TRMU: variants seen among roughly 807,000 people sequenced by gnomAD.
TRMU encodes the protein mitochondrial tRNA-specific 2-thiouridylase 1.
A neutral mutation model predicts 46.9 loss-of-function variants in TRMU; 49 were observed. The observed-to-expected ratio is 1.05, with a 90% CI of 0.83 to 1.33. TRMU has a LOEUF of 1.33. TRMU is among the 40% of genes most tolerant of loss of function. TRMU has a pLI of 0.00. For synonymous variants in TRMU, 241 were observed against 200.9 expected (o/e 1.20, Z -1.69); for missense variants, 572 against 532.4 (o/e 1.07, Z -0.73).
chr22:46,355,482 G>A lies in TRMU; in HGVS notation c.912G>A (p.Leu304=), dbSNP rs768471499. 1 of 1,613,250 alleles carries A rather than the reference G, an allele frequency of 6.2e-7. No individual in the cohort carries two copies. Among genetic ancestry groups the A allele is most frequent in the South Asian group, 1.1e-5 (1 of 91,090 alleles). ...ACCACCCAGCCCTGTACAGGGACCTGCTGAGGACCAGCCGCGTGCACTGGA... is the reference window on the plus strand; with the variant it reads ...ACCACCCAGCCCTGTACAGGGACCTACTGAGGACCAGCCGCGTGCACTGGA... ...RTDHPALYRD[L]LRTSRVHWIA... is the part of the protein sequence containing the mutation. Residue 304 remains leucine (L), a synonymous_variant, in exon 9 of 11, where the codon CTG becomes CTA. Coordinates refer to ENST00000645190, the MANE Select transcript of TRMU (RefSeq NM_018006.5).
rs997810397 is a variant in TRMU, at chr22:46,342,153, C to A, written c.249-1109C>A. Reference sequence around the variant, plus strand: ...TTCAGTCCCCCAGACGGACTCCCCCCACAACAGCAGTCGAAAGTATGGGCC... The same window carrying A: ...TTCAGTCCCCCAGACGGACTCCCCCAACAACAGCAGTCGAAAGTATGGGCC... On this transcript the variant is annotated intron_variant, in intron 2 of 10. Transcript: ENST00000645190. This position sits in a 1 kb window ranked among gnomAD's most constrained non-coding sequence, Gnocchi z 4.7. Among the ~76,000 whole-genome samples the A allele has an allele frequency of 4.6e-5, 7 of 152,208 alleles. No individual in the cohort carries two copies. The highest frequency in any genetic ancestry group is 8.8e-5 in the Non-Finnish European group (6 of 68,042).
chr22:46,343,493 C>T (rs1448414865), intron 3 of TRMU, 125 bp downstream of exon 3: 4 of 740,178 alleles, frequency 5.4e-6, no homozygotes, highest in Non-Finnish European at 9.2e-6. Flanking sequence ...TCAAGAGATT[C>T]TCCCACCCCA....
Position 46,355,525 on chromosome 22 carries a change from G to A in TRMU, c.955G>A (p.Ala319Thr), listed in dbSNP as rs369708014. 6.8e-6 allele frequency: 11 copies of A among 1,613,122 alleles called. No individual in the cohort carries two copies. Among genetic ancestry groups the A allele is most frequent in the South Asian group, 5.5e-5 (5 of 91,086 alleles). Residue 319 changes from alanine to threonine, a missense_variant, in exon 9 of 11, where the codon GCA (alanine) becomes ACA (threonine). By Grantham distance (58) the Ala-to-Thr change is moderately conservative (BLOSUM62 0). Transcript: ENST00000645190. ...GCACTGGATTGCGGAGGAGCCTCCC[G>A]CAGCACTGGTCCGGGACAAGATGAT... ...RVHWIAEEPP[A>T]ALVRDKMMEC...
Position 46,356,866 on chromosome 22 carries a change from G to A in TRMU, c.1126G>A (p.Glu376Lys), listed in dbSNP as rs138150773. 6.6e-5 allele frequency: 106 copies of A among 1,613,320 alleles called. No homozygotes were observed. The highest frequency in any genetic ancestry group is 1.6e-4 in the East Asian group (7 of 44,894). Residue 376 changes from glutamate (E) to lysine (K), a missense_variant, in exon 11 of 11, where the codon GAG (glutamate) becomes AAG (lysine). By Grantham distance (56) the Glu-to-Lys change is moderately conservative. Transcript: ENST00000645190. ...GTTTGCTGTGTTCTACAAGGGGGAC[G>A]AGTGCCTGGGCAGCGGGAAGATCCT... ...GQFAVFYKGD[E>K]CLGSGKILRL... is the part of the protein sequence containing the mutation.
At position 46,352,110 on chromosome 22, in the gene TRMU, T is replaced by A. The variant is rs1156852649; in HGVS notation, c.652-11T>A. 3 of 1,612,728 alleles carry A rather than the reference T, an allele frequency of 1.9e-6. No homozygotes were observed. Among genetic ancestry groups the A allele is most frequent in the Non-Finnish European group, 2.5e-6 (3 of 1,180,004 alleles). Reference sequence around the variant, plus strand: ...TCTGCTCCTCTCACGGCTGCCGTCTTCTCATTTCAGAGCATGGGCATGTGT... The same window carrying A: ...TCTGCTCCTCTCACGGCTGCCGTCTACTCATTTCAGAGCATGGGCATGTGT... On this transcript the variant is annotated splice_polypyrimidine_tract_variant and intron_variant, in intron 5 of 10. Coordinates refer to ENST00000645190, the MANE Select transcript of TRMU (RefSeq NM_018006.5).
intron 3 of TRMU, 91 bp from the exon 4 acceptor site, chr22:46,346,331 C>A: frequency 6.6e-7 from 1 of 1,515,516 alleles, no homozygotes; most frequent in Non-Finnish European, 8.9e-7. Context: ...GACTTGGGGT[C>A]TATACTCTTC....
Position 46,349,996 on chromosome 22 carries a change from CT to C in TRMU, c.479-293del, listed in dbSNP as rs2078366259. 1.6e-5 allele frequency among the ~76,000 whole-genome samples: 2 copies of C among 126,836 alleles called. No individual in the cohort carries two copies. The highest frequency in any genetic ancestry group is 6.0e-5 in the African/African-American group (2 of 33,118). 83.2% of individuals were successfully genotyped at this position (126,836 alleles called of 152,430 possible). ...ATTTTAGGTGTTTTTTTTTTTTTTT[CT>C]TATCACTTGAGAACATTTTTTCATG... is the stretch of plus-strand genomic sequence containing the variant. On this transcript the variant is annotated intron_variant, in intron 4 of 10. Transcript: ENST00000645190. This position sits in a 1 kb window ranked among gnomAD's most constrained non-coding sequence, Gnocchi z 4.6.
In TRMU at chr22:46,351,793, G is replaced by A. The variant is rs1329927513; in HGVS notation, c.652-328G>A. ...TTTCCTGCTACCTGCCCCTTCTCTG[G>A]TCCCTGTCTCTCCCCCACTCCTCGC... On this transcript the variant is annotated intron_variant, in intron 5 of 10. Transcript: ENST00000645190. The surrounding 1 kb of genome is among the most constrained non-coding windows in gnomAD (Gnocchi z 6.4). 9.1e-6 allele frequency: 4 copies of A among 438,018 alleles called. No individual in the cohort carries two copies. The highest frequency in any genetic ancestry group is 1.3e-5 in the Non-Finnish European group (3 of 234,914). 27.1% of individuals were successfully genotyped at this position (438,018 alleles called of 1,614,324 possible).
intron 7 of TRMU, 121 bp downstream of exon 7, chr22:46,352,451 T>C: frequency 7.8e-7 from 1 of 1,280,840 alleles, no homozygotes; most frequent in Non-Finnish European, 1.1e-6. Context: ...TGTAGAAGGC[T>C]CTGTGGGGCG....
At chr22:46,341,660 C>G (rs115186612) in intron 2 of TRMU, among the ~76,000 whole-genome samples, 1,805 of 152,128 alleles carry the variant, frequency 0.012, 39 homozygotes, top group African/African-American at 0.042. Context: ...TTTTTAAACT[C>G]CCAAAATAGG....
In TRMU at chr22:46,352,268, T is replaced by TG. The variant is rs2078453451; in HGVS notation, c.711dup (p.Gln238AlafsTer14). Reference sequence around the variant, plus strand: ...AATGACATGTTTGTTTTCCAGTATCTGCAGCCTCGACCTGGTCACTTTATT... The same window carrying TG: ...AATGACATGTTTGTTTTCCAGTATCTGGCAGCCTCGACCTGGTCACTTTATT... On this transcript the variant is annotated frameshift_variant, in exon 7 of 11. Transcript: ENST00000645190. LOFTEE classifies it high-confidence loss of function. The TG allele has an allele frequency of 6.2e-7, 1 of 1,614,210 alleles. No homozygotes were observed. The highest frequency in any genetic ancestry group is 1.6e-4 in the Middle Eastern group (1 of 6,062).
chr22:46,352,567 C>T (rs979321277), intron 7 of TRMU: 35 of 603,304 alleles, frequency 5.8e-5, no homozygotes, highest in Non-Finnish European at 9.5e-5. Flanking sequence ...AAAAGCGCGC[C>T]TCTGACTTGG....
rs148074912 is a variant in TRMU at position 46,351,555 on chromosome 22, G to A, written c.652-566G>A. The A allele has an allele frequency of 1.4e-3, 268 of 191,708 alleles. No individual in the cohort carries two copies. The highest frequency in any genetic ancestry group is 5.8e-3 in the African/African-American group (250 of 42,908). The allele number at this position is 191,708 out of a possible 1,614,324, so 11.9% of individuals were successfully genotyped here. A position where few individuals can be genotyped will look rare whatever the true frequency, so the allele number is the denominator to read the frequency against. ...CCGTCCTCCTCTCCTCTTGTTTTCC[G>A]TTTCCGGTGTCGCTCTGTGGTGGGA... On this transcript the variant is annotated intron_variant, in intron 5 of 10. Coordinates refer to ENST00000645190, the MANE Select transcript of TRMU (RefSeq NM_018006.5). This position sits in a 1 kb window ranked among gnomAD's most constrained non-coding sequence, Gnocchi z 6.4.
At position 46,350,537 on chromosome 22, in the gene TRMU, T is replaced by C; in HGVS notation, c.651+74T>C. On this transcript the variant is annotated intron_variant, in intron 5 of 10. Coordinates refer to ENST00000645190, the MANE Select transcript of TRMU (RefSeq NM_018006.5). This position sits in a 1 kb window ranked among gnomAD's most constrained non-coding sequence, Gnocchi z 4.6. ...CTGCATGGCACGGAGCAGCTGGACC[T>C]GTGGGTCCCGCACCACTTCCCCTTC... 1 of 1,549,318 alleles carries C rather than the reference T, an allele frequency of 6.5e-7. No individual in the cohort carries two copies. Among genetic ancestry groups the C allele is most frequent in the Non-Finnish European group, 8.9e-7 (1 of 1,124,828 alleles).
rs754804929 is a variant in TRMU at position 46,350,614 on chromosome 22, G to GCTGAGGCGCA, written c.651+153_651+162dup. 1.0e-4 allele frequency: 96 copies of GCTGAGGCGCA among 960,222 alleles called. No individual in the cohort carries two copies. The East Asian group carries it at 2.4e-3, about 24-fold the overall frequency. The allele number at this position is 960,222 out of a possible 1,614,324, so 59.5% of individuals were successfully genotyped here. A position where few individuals can be genotyped will look rare whatever the true frequency, so the allele number is the denominator to read the frequency against. ...CTTGGAGCAATAGATGGAGGAGTTT[G>GCTGAGGCGCA]CTGAGGCGCACGGTACAGGGCTCTG... On this transcript the variant is annotated intron_variant, in intron 5 of 10. Transcript: ENST00000645190. The surrounding 1 kb of genome is among the most constrained non-coding windows in gnomAD (Gnocchi z 4.6).
rs2078326471 is a variant in TRMU at position 46,348,781 on chromosome 22, C to T, written c.479-1510C>T. On this transcript the variant is annotated intron_variant, in intron 4 of 10. Transcript: ENST00000645190. This position sits in a 1 kb window ranked among gnomAD's most constrained non-coding sequence, Gnocchi z 4.8. ...AACTAGGAGAAAATGCAAATGGCTC[C>T]TAGTTTTCTGAGGCTTTTACACACA... is the stretch of plus-strand genomic sequence containing the variant. Among the ~76,000 whole-genome samples, 1 of 152,138 alleles carries T rather than the reference C, an allele frequency of 6.6e-6. No individual in the cohort carries two copies. Among genetic ancestry groups the T allele is most frequent in the Non-Finnish European group, 1.5e-5 (1 of 68,024 alleles).
At chr22:46,346,389 A>G (rs1006031355) in intron 3 of TRMU, 33 bp from the exon 4 acceptor site, 12 of 1,607,352 alleles carry the variant, frequency 7.5e-6, no homozygotes, top group Non-Finnish European at 8.5e-6. Context: ...TATGAGTCTA[A>G]AACCTGATCC....
chr22:46,350,456 A>C lies in TRMU; in HGVS notation c.644A>C (p.Lys215Thr), dbSNP rs1346466815. ...AENRLHHVLQKKESMGMCFIG... is the reference protein window; with the variant it reads ...AENRLHHVLQTKESMGMCFIG... Reference sequence around the variant, plus strand: ...AATAGACTTCATCATGTGCTTCAGAAGAAAGAGGTACGAGTGAGCAGTTGC... The same window carrying C: ...AATAGACTTCATCATGTGCTTCAGACGAAAGAGGTACGAGTGAGCAGTTGC... Residue 215 changes from lysine (K) to threonine (T), a missense_variant, in exon 5 of 11, where the codon AAG (lysine) becomes ACG (threonine). Coordinates refer to ENST00000645190, the MANE Select transcript of TRMU (RefSeq NM_018006.5). This position sits in a 1 kb window ranked among gnomAD's most constrained non-coding sequence, Gnocchi z 4.6. 2 of 1,613,388 alleles carry C rather than the reference A, an allele frequency of 1.2e-6. No individual in the cohort carries two copies. The highest frequency in any genetic ancestry group is 1.7e-6 in the Non-Finnish European group (2 of 1,180,010).
chr22:46,356,112 T>G, intron 10 of TRMU, 40 bp downstream of exon 10: 1 of 1,609,660 alleles, frequency 6.2e-7, no homozygotes, highest in East Asian at 2.2e-5. Context: ...AGGACTGTAC[T>G]GCTCTGCACC....
Sources: gnomAD v4.1 joint callset for allele counts (sites outside exome capture counted in the v4.1 genomes callset) on GRCh38, gnomAD v4.1.1 for gene constraint, Gnocchi (gnomAD v3.1) non-coding constraint, MANE v1.5 for transcripts, NCBI Gene and HGNC (gene_info 2026-07-23, HGNC 2026-07-21) for gene names.